Variants in ESPNL observed in about 807,000 individuals in gnomAD.
The protein encoded by ESPNL is espin like.
ESPNL carries 49 observed loss-of-function variants against 46.8 expected under a neutral mutation model. That is an observed-to-expected ratio of 1.05 (90% CI 0.83 to 1.33). The LOEUF (loss-of-function observed/expected upper bound fraction) is 1.33, where lower values mean the gene tolerates loss of function less well. Ranked by LOEUF, ESPNL falls within the 40% of genes most tolerant of loss-of-function variation. ESPNL has a pLI of 0.00. For synonymous variants in ESPNL, 664 were observed against 662.1 expected (o/e 1.00, Z -0.04); for missense variants, 1,540 against 1,436.6 (o/e 1.07, Z -1.16).
At chr2:238,123,531 C>G (rs1350261728) in intron 5 of ESPNL, among the ~76,000 whole-genome samples, 1 of 152,162 alleles carries the variant, frequency 6.6e-6, no homozygotes, top group Non-Finnish European at 1.5e-5. Context: ...CCCAGAGCAT[C>G]CCCTCCCCGG....
At position 238,114,221 on chromosome 2, in the gene ESPNL, G is replaced by T. The variant is rs952514143; in HGVS notation, c.856-2682G>T. Among the ~76,000 whole-genome samples, 1 of 152,040 alleles carries T rather than the reference G, an allele frequency of 6.6e-6. No homozygotes were observed. The highest frequency in any genetic ancestry group is 1.5e-5 in the Non-Finnish European group (1 of 68,000). Reference sequence around the variant, plus strand: ...TGGGGTCCGTCACTCTGGGGGAGAGGTTCCCTTCCTCCTCCCCATGGCTCT... The same window carrying T: ...TGGGGTCCGTCACTCTGGGGGAGAGTTTCCCTTCCTCCTCCCCATGGCTCT... On this transcript the variant is annotated intron_variant, in intron 4 of 8. Transcript: ENST00000343063. The surrounding 1 kb of genome is among the most constrained non-coding windows in gnomAD (Gnocchi z 5.0).
chr2:238,124,951 G>A (rs1042203657), intron 5 of ESPNL, among the ~76,000 whole-genome samples: 1 of 152,174 alleles, frequency 6.6e-6, no homozygotes, highest in East Asian at 1.9e-4. Context: ...CCCAGTACCC[G>A]GAGCCCCAGA....
In ESPNL at chr2:238,116,989, T is replaced by C. The variant is rs11904159; in HGVS notation, c.942T>C (p.His314=). The part of the protein sequence containing the change: ...GYTAADLAEY[H]GHRDCAQYLR... Reference sequence around the variant, plus strand: ...CGGCGGCAGACCTGGCGGAGTACCATGGACACCGGGACTGCGCCCAGTACC... The same window carrying C: ...CGGCGGCAGACCTGGCGGAGTACCACGGACACCGGGACTGCGCCCAGTACC... The change falls in exon 5 of 9, where the codon CAT becomes CAC. Residue 314 remains histidine (H), a synonymous_variant. Transcript: ENST00000343063. The C allele has an allele frequency of 0.16, 265,208 of 1,611,782 alleles. 22,948 individuals are homozygous for C. The highest frequency in any genetic ancestry group is 0.27 in the African/African-American group (20,174 of 74,978).
In ESPNL at chr2:238,117,005, G is replaced by GC. The variant is rs766801674; in HGVS notation, c.961dup (p.Gln321ProfsTer60). On this transcript the variant is annotated frameshift_variant, in exon 5 of 9. Transcript: ENST00000343063. LOFTEE classifies it high-confidence loss of function. ...GGAGTACCATGGACACCGGGACTGC[G>GC]CCCAGTACCTGCGGGAGGTGGCCCA... The GC allele has an allele frequency of 3.7e-6, 6 of 1,611,956 alleles. No homozygotes were observed. The highest frequency in any genetic ancestry group is 4.2e-6 in the Non-Finnish European group (5 of 1,179,566).
At chr2:238,111,006 G>A (rs1691707446) in intron 4 of ESPNL, among the ~76,000 whole-genome samples, 1 of 139,416 alleles carries the variant, frequency 7.2e-6, no homozygotes, top group Admixed American at 7.7e-5. Context: ...AGGCTGGAGT[G>A]CAGAGGCTCG....
chr2:238,112,473 G>T (rs536888461), intron 4 of ESPNL, among the ~76,000 whole-genome samples: 3 of 65,220 alleles, frequency 4.6e-5, no homozygotes, highest in Admixed American at 1.3e-4. Flanking sequence ...ACTTATTCAA[G>T]GTCCTCCAAA....
At position 238,131,577 on chromosome 2, in the gene ESPNL, G is replaced by A. The variant is rs73102309; in HGVS notation, c.2863G>A (p.Ala955Thr). 0.12 allele frequency: 191,860 copies of A among 1,611,032 alleles called. 12,424 individuals carry two copies. Among genetic ancestry groups the A allele is most frequent in the Middle Eastern group, 0.21 (1,272 of 6,046 alleles). The change falls in exon 9 of 9, where the codon GCC (alanine) becomes ACC (threonine). Residue 955 changes from alanine to threonine, a missense_variant. Transcript: ENST00000343063. ...LTLLGPLPHA[A>T]VPCSGPEPTA... ...CCTGCTCGGGCCCCTGCCTCACGCC[G>A]CCGTCCCCTGCAGCGGCCCTGAGCC...
At chr2:238,105,167 CGCCCACACCAGCAGT>C (rs1237581263) in intron 3 of ESPNL, among the ~76,000 whole-genome samples, 2 of 152,234 alleles carry the variant, frequency 1.3e-5, no homozygotes, top group East Asian at 3.9e-4. Flanking sequence ...GCTTTGTCTG[CGCCCACACCAGCAGT>C]GCCCAGTTTG....
intron 7 of ESPNL, 152 bp from the exon 8 acceptor site, chr2:238,128,555 G>A (rs375764554): frequency 1.5e-6 from 1 of 652,068 alleles, no homozygotes; most frequent in South Asian, 1.9e-5. Context: ...TGAGGGGGTG[G>A]GGTGCTGTCC....
rs570198698 is a variant in ESPNL, at chr2:238,108,569, C to T, written c.855+596C>T. The stretch of plus-strand genomic sequence containing the variant: ...AGGAGAATGCACACAGTTTACTTCT[C>T]CCCAGCCCCATCCGGTCCTGAGCAG... On this transcript the variant is annotated intron_variant, in intron 4 of 8. Coordinates refer to ENST00000343063, the MANE Select transcript of ESPNL (RefSeq NM_194312.4). Among the ~76,000 whole-genome samples, 453 of 152,292 alleles carry T rather than the reference C, an allele frequency of 3.0e-3. 3 individuals carry two copies. Among genetic ancestry groups the T allele is most frequent in the African/African-American group, 6.6e-3 (273 of 41,560 alleles).
At chr2:238,120,741 C>T (rs1691969855) in intron 5 of ESPNL, among the ~76,000 whole-genome samples, 1 of 152,246 alleles carries the variant, frequency 6.6e-6, no homozygotes, top group African/African-American at 2.4e-5. Context: ...GCTCGTCTCT[C>T]ACCACTGGAG....
In ESPNL at chr2:238,116,995, C is replaced by A. The variant is rs755661757; in HGVS notation, c.948C>A (p.His316Gln). Reference sequence around the variant, plus strand: ...CAGACCTGGCGGAGTACCATGGACACCGGGACTGCGCCCAGTACCTGCGGG... The same window carrying A: ...CAGACCTGGCGGAGTACCATGGACAACGGGACTGCGCCCAGTACCTGCGGG... The part of the protein sequence containing the change: ...TAADLAEYHG[H>Q]RDCAQYLREV... The change falls in exon 5 of 9, where the codon CAC becomes CAA. Residue 316 changes from histidine to glutamine, a missense_variant. By Grantham distance (24) the His-to-Gln change is conservative (BLOSUM62 0). Coordinates refer to ENST00000343063, the MANE Select transcript of ESPNL (RefSeq NM_194312.4). 1.7e-5 allele frequency: 27 copies of A among 1,612,280 alleles called. No individual in the cohort carries two copies. Among genetic ancestry groups the A allele is most frequent in the Non-Finnish European group, 2.0e-5 (24 of 1,179,736 alleles).
At chr2:238,128,069 C>T (rs1158607158) in intron 7 of ESPNL, among the ~76,000 whole-genome samples, 1 of 152,228 alleles carries the variant, frequency 6.6e-6, no homozygotes, top group Non-Finnish European at 1.5e-5. Context: ...AGCAGCCATC[C>T]ATGGGCAGGG....
intron 5 of ESPNL, among the ~76,000 whole-genome samples, chr2:238,118,277 G>A (rs1691862922): frequency 6.8e-6 from 1 of 146,710 alleles, no homozygotes; most frequent in South Asian, 2.3e-4. Context: ...ATGGTGGAGG[G>A]TGGATGGAGG....
Position 238,100,413 on chromosome 2 carries a change from C to T in ESPNL, c.-7C>T, listed in dbSNP as rs763562687. The stretch of plus-strand genomic sequence containing the variant: ...CATGAGTCGCCACTGAGAGCCCGGG[C>T]CAGAGGATGGAGAAGCAGCGGGCAC... On this transcript the variant is annotated 5_prime_UTR_variant, in exon 1 of 9. Transcript: ENST00000343063. 3.8e-6 allele frequency: 6 copies of T among 1,593,354 alleles called. No individual in the cohort carries two copies. The Admixed American group carries it at 1.1e-4, about 28-fold the overall frequency.
At chr2:238,126,165 T>C (rs564366281) in intron 6 of ESPNL, among the ~76,000 whole-genome samples, 62 of 152,142 alleles carry the variant, frequency 4.1e-4, no homozygotes, top group Admixed American at 2.0e-3. Flanking sequence ...TGCATCTGTG[T>C]GTGATTGTGT....
At chr2:238,129,156 G>A in intron 8 of ESPNL, 1 of 1,395,168 alleles carries the variant, frequency 7.2e-7, no homozygotes, top group Admixed American at 3.1e-5. Flanking sequence ...TGTGGCACAT[G>A]CCTGCCTGTG....
At position 238,114,542 on chromosome 2, in the gene ESPNL, G is replaced by A. The variant is rs1336134266; in HGVS notation, c.856-2361G>A. Among the ~76,000 whole-genome samples, 3 of 151,990 alleles carry A rather than the reference G, an allele frequency of 2.0e-5. No individual in the cohort carries two copies. Among genetic ancestry groups the A allele is most frequent in the Non-Finnish European group, 2.9e-5 (2 of 67,996 alleles). On this transcript the variant is annotated intron_variant, in intron 4 of 8. Coordinates refer to ENST00000343063, the MANE Select transcript of ESPNL (RefSeq NM_194312.4). The surrounding 1 kb of genome is among the most constrained non-coding windows in gnomAD (Gnocchi z 5.0). ...GACCTGCCCCAGCCTCCCCAGCCCC[G>A]GTGTCCTTGCACATCTGACAAATGC...
chr2:238,129,123 C>T lies in ESPNL; in HGVS notation c.1413+219C>T, dbSNP rs555327472. The T allele has an allele frequency of 2.6e-4, 371 of 1,405,972 alleles. 3 individuals are homozygous for T. The South Asian group carries it at 5.1e-3, about 19-fold the overall frequency. 87.1% of individuals were successfully genotyped at this position (1,405,972 alleles called of 1,614,324 possible). On this transcript the variant is annotated intron_variant, in intron 8 of 8. Transcript: ENST00000343063. ...ACCTGCTCTGGAGGCATGGGTCCCA[C>T]GTATCCTTCCACTTGGCGGATTTGT...
Sources: allele counts gnomAD v4.1 joint callset (sites outside exome capture counted in the v4.1 genomes callset), GRCh38; gene constraint gnomAD v4.1.1; non-coding constraint Gnocchi (gnomAD v3.1); transcripts MANE v1.5; gene names NCBI Gene and HGNC (gene_info 2026-07-23, HGNC 2026-07-21).